The following ATM variants were observed in gnomAD, a reference collection of about 807,000 sequenced individuals.
ATM encodes the protein serine-protein kinase ATM.
In ATM, 308 loss-of-function variants were observed where a neutral mutation model predicts 387.0. That is an observed-to-expected ratio of 0.80 (90% CI 0.73 to 0.87). The LOEUF is 0.87. Among genes scored for constraint, ATM ranks in the 40% least tolerant of loss-of-function variants. The pLI is 0.00. For synonymous variants in ATM, 1,156 were observed against 1,187.3 expected (o/e 0.97, Z 0.54); for missense variants, 3,312 against 3,560.9 (o/e 0.93, Z 1.78).
At chr11:108,291,275 G>T (rs145672513) in intron 29 of ATM, among the ~76,000 whole-genome samples, 9 of 152,054 alleles carry the variant, frequency 5.9e-5, no homozygotes, top group Non-Finnish European at 1.2e-4. Context: ...CAAGAATTGG[G>T]GTTGTTCAAT....
chr11:108,340,012 T>C (rs1326805891), intron 56 of ATM: 1 of 152,210 alleles, frequency 6.6e-6, no homozygotes, highest in African/African-American at 2.4e-5. Flanking sequence ...TCTATAGAAG[T>C]AGTAAAACAT....
chr11:108,332,321 A>G (rs1391372356), intron 52 of ATM, among the ~76,000 whole-genome samples: 1 of 152,068 alleles, frequency 6.6e-6, no homozygotes, highest in African/African-American at 2.4e-5. Flanking sequence ...AGTCCCAGCT[A>G]CTCGGGAGGC....
chr11:108,284,522 T>C lies in ATM; in HGVS notation c.3993+49T>C, dbSNP rs759657011. On this transcript the variant is annotated intron_variant, in intron 26 of 62. Transcript: ENST00000675843. ...TTTTCATTCCCTGAATGATATGAGA[T>C]ATAACCTTTAAGTTTTAAGGCTATT... The C allele has an allele frequency of 7.5e-6, 12 of 1,603,538 alleles. No homozygotes were observed. The South Asian group carries it at 1.3e-4, about 18-fold the overall frequency.
chr11:108,257,474 A>G lies in ATM; in HGVS notation c.2251-7A>G, dbSNP rs879254103. The stretch of plus-strand genomic sequence containing the variant: ...GGAATTTGCATTTTTCCTTCTATTC[A>G]CAATAGTCTCTAATGCAATGTGCAG... On this transcript the variant is annotated splice_region_variant and splice_polypyrimidine_tract_variant and intron_variant, in intron 14 of 62. Coordinates refer to ENST00000675843, the MANE Select transcript of ATM (RefSeq NM_000051.4). 2 of 1,612,518 alleles carry G rather than the reference A, an allele frequency of 1.2e-6. No homozygotes were observed. The highest frequency in any genetic ancestry group is 8.5e-7 in the Non-Finnish European group (1 of 1,179,702).
chr11:108,241,710 TTCTC>T (rs1384723395), intron 5 of ATM, among the ~76,000 whole-genome samples: 16 of 151,236 alleles, frequency 1.1e-4, no homozygotes, highest in African/African-American at 3.6e-4. Flanking sequence ...CTCCATGTCT[TTCTC>T]TTTCTTTCTT....
At chr11:108,329,291 GT>G (rs2086012751) in intron 49 of ATM, 53 bp downstream of exon 49, 1 of 1,482,108 alleles carries the variant, frequency 6.7e-7, no homozygotes, top group Admixed American at 1.7e-5. Flanking sequence ...AACTGAGTGA[GT>G]GTTTTTGCAT....
chr11:108,254,375 A>G (rs1198484764), intron 13 of ATM, among the ~76,000 whole-genome samples: 1 of 152,208 alleles, frequency 6.6e-6, no homozygotes, highest in Non-Finnish European at 1.5e-5. Flanking sequence ...AGTAATAGAA[A>G]AGAACACGAT....
At chr11:108,283,628 C>T (rs961564625) in intron 25 of ATM, among the ~76,000 whole-genome samples, 3 of 152,062 alleles carry the variant, frequency 2.0e-5, no homozygotes, top group East Asian at 3.8e-4. Context: ...CCTTATAGTT[C>T]ATTCATTTTG....
rs876659831 is a variant in ATM, at chr11:108,316,107, C to A, written c.6192C>A (p.Ile2064=). 1 of 1,613,710 alleles carries A rather than the reference C, an allele frequency of 6.2e-7. No individual in the cohort carries two copies. Among genetic ancestry groups the A allele is most frequent in the African/African-American group, 1.3e-5 (1 of 74,918 alleles). ...AIPSSTRQAG[I]IQALQNLGLC... ...CCTCATCAACACGCCAGGCAGGAAT[C>A]ATTCAGGTACATTTTTTCCCAGATT... is the stretch of plus-strand genomic sequence containing the variant. The change falls in exon 42 of 63, where the codon ATC becomes ATA. Residue 2064 remains isoleucine, a synonymous_variant. Coordinates refer to ENST00000675843, the MANE Select transcript of ATM (RefSeq NM_000051.4).
rs1380546088 is a variant in ATM, at chr11:108,252,857, C to T, written c.1843C>T (p.Leu615Phe). 6.2e-7 allele frequency: 1 copy of T among 1,612,916 alleles called. No homozygotes were observed. The highest frequency in any genetic ancestry group is 8.5e-7 in the Non-Finnish European group (1 of 1,179,398). Reference protein sequence around the residue: ...HLVLEKILVSLTMKNCKAAMN... With the variant: ...HLVLEKILVSFTMKNCKAAMN... Reference sequence around the variant, plus strand: ...TGTACTGGAGAAAATTCTTGTGAGTCTCACTATGAAAAACTGTAAAGCTGC... The same window carrying T: ...TGTACTGGAGAAAATTCTTGTGAGTTTCACTATGAAAAACTGTAAAGCTGC... The change falls in exon 12 of 63, where the codon CTC becomes TTC. Residue 615 changes from leucine (L) to phenylalanine (F), a missense_variant. Physicochemically the swap from Leu to Phe is conservative, Grantham distance 22. Coordinates refer to ENST00000675843, the MANE Select transcript of ATM (RefSeq NM_000051.4).
intron 40 of ATM, among the ~76,000 whole-genome samples, chr11:108,312,868 T>C (rs1035872654): frequency 9.8e-5 from 15 of 152,348 alleles, no homozygotes; most frequent in African/African-American, 3.6e-4. Context: ...AGATTGCCTC[T>C]TCTATAAATT....
chr11:108,267,673 G>A (rs906016555), intron 17 of ATM, among the ~76,000 whole-genome samples: 7 of 151,940 alleles, frequency 4.6e-5, no homozygotes, highest in South Asian at 2.1e-4. Context: ...CCTGGCTAAC[G>A]TGGTGAAACC....
rs765619483 is a variant in ATM, at chr11:108,259,083, T to C, written c.2466+8T>C. The C allele has an allele frequency of 2.5e-6, 4 of 1,604,496 alleles. No individual in the cohort carries two copies. The highest frequency in any genetic ancestry group is 3.4e-6 in the Non-Finnish European group (4 of 1,172,644). On this transcript the variant is annotated splice_region_variant and intron_variant, in intron 16 of 62. Transcript: ENST00000675843. ...GATATTTGTAAAAGTTTAGTAAGTA[T>C]GCTTCCTGTTTTGCTATCATATTTT...
rs1565424213 is a variant in ATM, at chr11:108,271,072, G to A, written c.2847G>A (p.Met949Ile). 2 of 1,613,676 alleles carry A rather than the reference G, an allele frequency of 1.2e-6. No individual in the cohort carries two copies. Among genetic ancestry groups the A allele is most frequent in the South Asian group, 1.1e-5 (1 of 91,074 alleles). ...TKSLHLHMYL[M>I]LLKELPGEEY... The stretch of plus-strand genomic sequence containing the variant: ...CCCTCCTACCATCTTAGTATCTAAT[G>A]CTTTTAAAGGAGCTTCCTGGAGAAG... Residue 949 changes from methionine (M) to isoleucine (I), a missense_variant, in exon 19 of 63, where the codon ATG becomes ATA. Around this residue, in one of 4 missense-constraint regions of ATM, gnomAD observed 1,791 missense variants for 1,804.5 expected, o/e 0.99. Coordinates refer to ENST00000675843, the MANE Select transcript of ATM (RefSeq NM_000051.4).
intron 61 of ATM, among the ~76,000 whole-genome samples, chr11:108,358,794 A>C (rs1591345156): frequency 1.3e-5 from 2 of 149,590 alleles, no homozygotes; most frequent in Non-Finnish European, 3.0e-5. Context: ...TCCTGAAGGA[A>C]GCACTAAACA....
chr11:108,330,512 A>G, intron 50 of ATM, 91 bp downstream of exon 50: 1 of 1,310,148 alleles, frequency 7.6e-7, no homozygotes, highest in Non-Finnish European at 1.1e-6. Context: ...ACCTCTTTGT[A>G]TTCCTAGCAC....
intron 37 of ATM, among the ~76,000 whole-genome samples, chr11:108,307,415 T>A (rs1370960289): frequency 6.6e-6 from 1 of 152,346 alleles, no homozygotes; most frequent in South Asian, 2.1e-4. Context: ...CCCAAAGTGC[T>A]GGGATTACAG....
rs1565499875 is a variant in ATM, at chr11:108,316,082, C to T, written c.6167C>T (p.Pro2056Leu). 1 of 1,614,132 alleles carries T rather than the reference C, an allele frequency of 6.2e-7. No homozygotes were observed. The highest frequency in any genetic ancestry group is 1.3e-5 in the African/African-American group (1 of 75,042). The change falls in exon 42 of 63, where the codon CCC becomes CTC. Residue 2056 changes from proline (P) to leucine (L), a missense_variant. By Grantham distance (98) the Pro-to-Leu change is moderately conservative. This residue lies in a region of ATM where 1,405 missense variants were observed against 1,604.4 expected (regional missense o/e 0.88). Transcript: ENST00000675843. ...LVTYDLETAI[P>L]SSTRQAGIIQ... is the part of the protein sequence containing the mutation. ...ACATATGACCTCGAAACAGCAATCC[C>T]CTCATCAACACGCCAGGCAGGAATC...
At chr11:108,273,331 C>CTGTTTTTTTTTTTT (rs2081720874) in intron 22 of ATM, among the ~76,000 whole-genome samples, 1 of 80,656 alleles carries the variant, frequency 1.2e-5, no homozygotes, top group African/African-American at 5.7e-5. Flanking sequence ...TAATTTCATT[C>CTGTTTTTTTTTTTT]TTTTTTTTTT....
Sources: allele counts gnomAD v4.1 joint callset (sites outside exome capture counted in the v4.1 genomes callset), GRCh38; gene constraint gnomAD v4.1.1; regional missense constraint gnomAD v4.1.1; transcripts MANE v1.5; gene names NCBI Gene and HGNC (gene_info 2026-07-23, HGNC 2026-07-21).